ZNF730: variants seen among roughly 807,000 people sequenced by gnomAD.
The protein encoded by ZNF730 is zinc finger protein 730, also known as putative zinc finger protein 730.
Under a neutral mutation model 12.6 loss-of-function variants are expected in ZNF730, and 12 were observed. The ratio of observed to expected loss-of-function variants is 0.95; its 90% CI spans 0.61 to 1.54. The LOEUF (loss-of-function observed/expected upper bound fraction) is 1.54, where lower values mean the gene tolerates loss of function less well. Ranked by LOEUF, ZNF730 falls within the 40% of genes most tolerant of loss-of-function variation. ZNF730 has a pLI of 0.00. For synonymous variants in ZNF730, 194 were observed against 195.8 expected, an observed-to-expected ratio of 0.99 and a Z score of 0.08; for missense variants, 643 against 583.5, an observed-to-expected ratio of 1.10 and a Z score of -1.05.
chr19:23,108,593 A>G (rs934913966), intron 1 of ZNF730, among the ~76,000 whole-genome samples: 12 of 152,192 alleles, frequency 7.9e-5, no homozygotes, highest in Non-Finnish European at 7.3e-5. Flanking sequence ...TAGTCACTTT[A>G]ATTCAAGGTA....
intron 1 of ZNF730, among the ~76,000 whole-genome samples, chr19:23,130,498 C>CA (rs1006340270): frequency 4.6e-5 from 7 of 151,658 alleles, no homozygotes; most frequent in East Asian, 1.9e-4. Flanking sequence ...TAAATGTGTG[C>CA]AAAAAAAACT....
At chr19:23,099,864 C>G (rs919081105) in intron 1 of ZNF730, among the ~76,000 whole-genome samples, 2 of 152,128 alleles carry the variant, frequency 1.3e-5, no homozygotes, top group African/African-American at 4.8e-5. Context: ...ATTAGGGGAC[C>G]CAGACCTTTG....
At chr19:23,077,149 C>T (rs1969876387) in intron 1 of ZNF730, among the ~76,000 whole-genome samples, 1 of 152,038 alleles carries the variant, frequency 6.6e-6, no homozygotes, top group Non-Finnish European at 1.5e-5. Context: ...AACACATGGA[C>T]ACAGAGGGGA....
intron 1 of ZNF730, chr19:23,123,583 A>G (rs1419707565): frequency 6.6e-6 from 1 of 151,952 alleles, no homozygotes; most frequent in African/African-American, 2.4e-5. Flanking sequence ...ATCTCAAAAA[A>G]AAAAAAAAAA....
intron 1 of ZNF730, among the ~76,000 whole-genome samples, chr19:23,094,471 A>C (rs1970217410): frequency 6.8e-6 from 1 of 147,904 alleles, no homozygotes; most frequent in Non-Finnish European, 1.5e-5. Context: ...GAAAATAAAT[A>C]AGTTTTCATT....
intron 1 of ZNF730, among the ~76,000 whole-genome samples, chr19:23,108,451 A>G (rs1018360098): frequency 6.6e-6 from 1 of 152,170 alleles, no homozygotes; most frequent in Non-Finnish European, 1.5e-5. Context: ...GATTTGTCCC[A>G]TGGCTGCTTC....
chr19:23,123,875 C>T (rs1036729884), intron 1 of ZNF730: 1 of 153,808 alleles, frequency 6.5e-6, no homozygotes, highest in Non-Finnish European at 1.5e-5. Flanking sequence ...CCCATGGTCT[C>T]TGTGAATGAG....
intron 1 of ZNF730, among the ~76,000 whole-genome samples, chr19:23,119,402 A>C (rs1970570771): frequency 6.6e-6 from 1 of 152,238 alleles, no homozygotes; most frequent in Admixed American, 6.5e-5. Flanking sequence ...ATAGTGGATT[A>C]GCTTTTTAAT....
chr19:23,090,249 A>C (rs1000200715), intron 1 of ZNF730, among the ~76,000 whole-genome samples: 1 of 112,744 alleles, frequency 8.9e-6, no homozygotes, highest in Non-Finnish European at 1.8e-5. Context: ...CATCTCAAAG[A>C]AAAAAAAAAA....
chr19:23,133,879 A>C (rs1322706585), intron 1 of ZNF730, among the ~76,000 whole-genome samples: 1 of 152,222 alleles, frequency 6.6e-6, no homozygotes, highest in Non-Finnish European at 1.5e-5. Flanking sequence ...GATATTTTGG[A>C]TCTTATGCCA....
chr19:23,091,806 G>T (rs1970163968), intron 1 of ZNF730, among the ~76,000 whole-genome samples: 1 of 152,140 alleles, frequency 6.6e-6, no homozygotes. Context: ...AGGCAGAAGG[G>T]ACTTGCCTTG....
intron 3 of ZNF730, among the ~76,000 whole-genome samples, chr19:23,136,392 A>G (rs1568316186): frequency 6.6e-6 from 1 of 152,172 alleles, no homozygotes; most frequent in Non-Finnish European, 1.5e-5. Context: ...TCTATGTTGA[A>G]CTATTTTTAT....
intron 1 of ZNF730, among the ~76,000 whole-genome samples, chr19:23,110,487 G>A (rs139479597): frequency 0.046 from 6,571 of 142,426 alleles, 102 homozygotes; most frequent in Middle Eastern, 0.1. Context: ...ATGTTGATCA[G>A]GCTGGATGGT....
chr19:23,090,170 C>T (rs942411176), intron 1 of ZNF730, among the ~76,000 whole-genome samples: 6 of 151,816 alleles, frequency 4.0e-5, no homozygotes, highest in East Asian at 1.9e-4. Context: ...TGTTTGAACC[C>T]GAGAGGCGGA....
chr19:23,136,085 C>T, intron 3 of ZNF730, 42 bp downstream of exon 3: 1 of 1,350,374 alleles, frequency 7.4e-7, no homozygotes, highest in Non-Finnish European at 9.8e-7. Flanking sequence ...GATAAGAGAT[C>T]TATAGTTTAA....
intron 1 of ZNF730, among the ~76,000 whole-genome samples, chr19:23,081,700 C>T (rs1969969087): frequency 6.6e-6 from 1 of 152,170 alleles, no homozygotes; most frequent in African/African-American, 2.4e-5. Context: ...AGTGATTCAC[C>T]CACCTCGGCC....
intron 3 of ZNF730, among the ~76,000 whole-genome samples, chr19:23,138,426 G>A (rs57628876): frequency 0.013 from 2,004 of 152,218 alleles, 52 homozygotes; most frequent in African/African-American, 0.046. Context: ...CAAGTGCTTC[G>A]GGGAAGACAA....
At chr19:23,118,875 G>A (rs181315781) in intron 1 of ZNF730, among the ~76,000 whole-genome samples, 69 of 152,198 alleles carry the variant, frequency 4.5e-4, no homozygotes, top group African/African-American at 1.6e-3. Context: ...TGAAATCATC[G>A]GTTGTTATTT....
chr19:23,115,694 AGAAGCAGAAGCTTACCCC>A (rs1344036780), upstream of ZNF730, among the ~76,000 whole-genome samples: 175 of 28,534 alleles, frequency 6.1e-3, no homozygotes, highest in Non-Finnish European at 0.015. Flanking sequence ...GCTCACCCCC[AGAAGCAGAAGCTTACCCC>A]CAGAAGCACA....
Sources: gnomAD v4.1 joint callset for allele counts (sites outside exome capture counted in the v4.1 genomes callset) on GRCh38, gnomAD v4.1.1 for gene constraint, MANE v1.5 for transcripts, NCBI Gene and HGNC (gene_info 2026-07-23, HGNC 2026-07-21) for gene names.